NR3C2: variants seen among roughly 807,000 people sequenced by gnomAD.
NR3C2 encodes mineralocorticoid receptor.
In NR3C2, 15 loss-of-function variants were observed where a neutral mutation model predicts 86.4. That is an observed-to-expected ratio of 0.17 (90% CI 0.12 to 0.27). The LOEUF (loss-of-function observed/expected upper bound fraction) is 0.27. NR3C2 is among the 10% of genes least tolerant of loss of function. The probability of loss-of-function intolerance (pLI) is 1.00; values close to 1 mark genes in which losing one functional copy is unlikely to be tolerated. For missense variants in NR3C2, 960 were observed against 1,195.6 expected, an observed-to-expected ratio of 0.80 and a Z score of 2.91; for synonymous variants, 458 against 450.5, an observed-to-expected ratio of 1.02 and a Z score of -0.21.
intron 8 of NR3C2, among the ~76,000 whole-genome samples, chr4:148,106,493 T>C (rs4835484): frequency 0.73 from 111,806 of 152,152 alleles, 41,442 homozygotes; most frequent in African/African-American, 0.79. Flanking sequence ...TGACTGTCTT[T>C]GCAGAATTAG....
intron 1 of NR3C2, among the ~76,000 whole-genome samples, chr4:148,440,022 A>T (rs1168118319): frequency 6.6e-6 from 1 of 152,240 alleles, no homozygotes; most frequent in African/African-American, 2.4e-5. Context: ...CAGGAGTCTC[A>T]TTAAGGAATT....
chr4:148,399,452 T>C (rs72729993), intron 2 of NR3C2, among the ~76,000 whole-genome samples: 1 of 151,852 alleles, frequency 6.6e-6, no homozygotes, highest in African/African-American at 2.4e-5. Context: ...ACATAATTTT[T>C]CAAAACACTA....
intron 2 of NR3C2, among the ~76,000 whole-genome samples, chr4:148,338,692 A>G (rs923044018): frequency 2.0e-5 from 3 of 152,218 alleles, no homozygotes; most frequent in Non-Finnish European, 2.9e-5. Context: ...AACTGGAGAC[A>G]TGAGCCCCAA....
At chr4:148,154,974 T>G in intron 4 of NR3C2, 73 bp from the exon 5 acceptor site, 1 of 1,234,098 alleles carries the variant, frequency 8.1e-7, no homozygotes. Context: ...CTGGTTAAAG[T>G]ACAGTTTTCC....
At chr4:148,163,841 T>A (rs1578959981) in intron 4 of NR3C2, among the ~76,000 whole-genome samples, 1 of 152,170 alleles carries the variant, frequency 6.6e-6, no homozygotes, top group Admixed American at 6.5e-5. Flanking sequence ...GTTATCACCA[T>A]GTACAGAGGG....
chr4:148,226,662 A>G (rs1423137890), intron 3 of NR3C2, among the ~76,000 whole-genome samples: 1 of 152,094 alleles, frequency 6.6e-6, no homozygotes, highest in African/African-American at 2.4e-5. Flanking sequence ...CTGACAAGCT[A>G]TTTGCTAATG....
At chr4:148,339,260 C>T (rs1744637094) in intron 2 of NR3C2, among the ~76,000 whole-genome samples, 1 of 152,166 alleles carries the variant, frequency 6.6e-6, no homozygotes, top group South Asian at 2.1e-4. Flanking sequence ...GAAAGGACCA[C>T]TGTTTTAAGT....
intron 2 of NR3C2, among the ~76,000 whole-genome samples, chr4:148,303,549 A>G (rs1742449122): frequency 6.6e-6 from 1 of 152,122 alleles, no homozygotes; most frequent in African/African-American, 2.4e-5. Context: ...CCTTTGTTGG[A>G]GGGACTCAAT....
At chr4:148,183,641 T>C (rs1735746712) in intron 4 of NR3C2, among the ~76,000 whole-genome samples, 1 of 152,204 alleles carries the variant, frequency 6.6e-6, no homozygotes, top group Admixed American at 6.5e-5. Flanking sequence ...AGAGTATGTA[T>C]CTCATAGTGT....
At chr4:148,386,317 C>T (rs925484707) in intron 2 of NR3C2, among the ~76,000 whole-genome samples, 8 of 152,198 alleles carry the variant, frequency 5.3e-5, no homozygotes, top group African/African-American at 1.9e-4. Flanking sequence ...CAGGTCTGAG[C>T]CACAGGCAAA....
intron 2 of NR3C2, among the ~76,000 whole-genome samples, chr4:148,287,562 G>A (rs1741586147): frequency 6.6e-6 from 1 of 152,092 alleles, no homozygotes; most frequent in African/African-American, 2.4e-5. Context: ...AACTGTCAAA[G>A]TTTTCCTATA....
At chr4:148,319,352 C>T (rs147593448) in intron 2 of NR3C2, among the ~76,000 whole-genome samples, 51,322 of 151,864 alleles carry the variant, frequency 0.34, 9,919 homozygotes, top group African/African-American at 0.53. Flanking sequence ...ATTGACTTGG[C>T]GATGTGGGCT....
intron 6 of NR3C2, among the ~76,000 whole-genome samples, chr4:148,125,364 T>C (rs1267793839): frequency 6.6e-6 from 1 of 152,222 alleles, no homozygotes; most frequent in African/African-American, 2.4e-5. Context: ...CCTGGATTTA[T>C]GCAGGGAGCT....
chr4:148,303,557 A>G (rs575949055), intron 2 of NR3C2, among the ~76,000 whole-genome samples: 20 of 152,068 alleles, frequency 1.3e-4, no homozygotes, highest in South Asian at 4.2e-4. Flanking sequence ...GGAGGGACTC[A>G]ATTCCACAGC....
chr4:148,281,991 A>T (rs1741269848), intron 2 of NR3C2, among the ~76,000 whole-genome samples: 1 of 152,220 alleles, frequency 6.6e-6, no homozygotes, highest in Non-Finnish European at 1.5e-5. Flanking sequence ...TTTAACATCT[A>T]AAAGTTTTCA....
intron 3 of NR3C2, among the ~76,000 whole-genome samples, chr4:148,202,679 G>C (rs1205095955): frequency 6.6e-6 from 1 of 152,206 alleles, no homozygotes; most frequent in African/African-American, 2.4e-5. Flanking sequence ...GATGAAGAGA[G>C]ACAAAGTTAA....
chr4:148,243,952 A>T (rs1177879446), intron 3 of NR3C2, among the ~76,000 whole-genome samples: 1 of 152,206 alleles, frequency 6.6e-6, no homozygotes, highest in African/African-American at 2.4e-5. Context: ...ACTATGTACA[A>T]AGTTACCAAG....
chr4:148,397,540 A>C (rs1271091090), intron 2 of NR3C2, among the ~76,000 whole-genome samples: 1 of 152,196 alleles, frequency 6.6e-6, no homozygotes, highest in East Asian at 1.9e-4. Flanking sequence ...ACACACACAC[A>C]AAGTAACAAA....
chr4:148,215,294 C>G (rs1236766740), intron 3 of NR3C2, among the ~76,000 whole-genome samples: 9 of 152,220 alleles, frequency 5.9e-5, no homozygotes, highest in Admixed American at 5.2e-4. Flanking sequence ...AAAATTGACA[C>G]TCAGTTCTCT....
Sources: allele counts gnomAD v4.1 joint callset (sites outside exome capture counted in the v4.1 genomes callset), GRCh38; gene constraint gnomAD v4.1.1; transcripts MANE v1.5; gene names NCBI Gene and HGNC (gene_info 2026-07-23, HGNC 2026-07-21).